MAL2: variants seen among roughly 807,000 people sequenced by gnomAD.
MAL2 encodes mal, T cell differentiation protein 2.
In MAL2, 17 loss-of-function variants were observed where a neutral mutation model predicts 18.1. The ratio of observed to expected loss-of-function variants is 0.94; its 90% CI spans 0.64 to 1.41. MAL2 has a LOEUF of 1.41. Among genes scored for constraint, MAL2 ranks in the 40% most tolerant of loss-of-function variants. The pLI, the probability that MAL2 is intolerant of heterozygous loss-of-function variation, is 0.00. For synonymous variants in MAL2, 102 were observed against 102.3 expected (o/e 1.00, Z 0.02); for missense variants, 222 against 231.9 (o/e 0.96, Z 0.28).
chr8:119,237,623 G>T (rs923720946), intron 2 of MAL2, among the ~76,000 whole-genome samples: 5 of 151,750 alleles, frequency 3.3e-5, no homozygotes, highest in African/African-American at 4.9e-5. Context: ...GGGATGCAAG[G>T]CTGGTTAAAT....
At chr8:119,237,962 A>G (rs564483503) in intron 2 of MAL2, among the ~76,000 whole-genome samples, 11 of 152,314 alleles carry the variant, frequency 7.2e-5, no homozygotes, top group African/African-American at 2.6e-4. Context: ...AAGGAAATAA[A>G]AGGTATTCAG....
At chr8:119,232,902 G>A (rs1817764845) in intron 2 of MAL2, among the ~76,000 whole-genome samples, 1 of 152,156 alleles carries the variant, frequency 6.6e-6, no homozygotes, top group Admixed American at 6.5e-5. Flanking sequence ...GCAGTTTTGA[G>A]TGAGTTTCTT....
At position 119,243,247 on chromosome 8, in the gene MAL2, A is replaced by C. The variant is rs529016520; in HGVS notation, c.460-170A>C. On this transcript the variant is annotated intron_variant, in intron 3 of 3. Coordinates refer to ENST00000614891, the MANE Select transcript of MAL2 (RefSeq NM_052886.3). Reference sequence around the variant, plus strand: ...GGGAGGGTAATTGTATGAGGGAATAAAACAGTTGTACAAATCATCAAAAAA... The same window carrying C: ...GGGAGGGTAATTGTATGAGGGAATACAACAGTTGTACAAATCATCAAAAAA... Among the ~76,000 whole-genome samples the C allele has an allele frequency of 5.3e-5, 8 of 151,094 alleles. No individual in the cohort carries two copies. The South Asian group carries it at 1.7e-3, about 31-fold the overall frequency.
chr8:119,208,673 G>C lies in MAL2; in HGVS notation c.132+69G>C. The C allele has an allele frequency of 3.2e-6, 4 of 1,235,526 alleles. No homozygotes were observed. The highest frequency in any genetic ancestry group is 3.5e-5 in the South Asian group (1 of 28,918). The allele number at this position is 1,235,526 out of a possible 1,614,324, so 76.5% of individuals were successfully genotyped here. A position where few individuals can be genotyped will look rare whatever the true frequency, so the allele number is the denominator to read the frequency against. ...CAGGCGGCGGCATCCTTGTCCCCCG[G>C]GCTGTCTTCCTCTGCGTCCGCCCCC... On this transcript the variant is annotated intron_variant, in intron 1 of 3. Transcript: ENST00000614891. This position sits in a 1 kb window ranked among gnomAD's most constrained non-coding sequence, Gnocchi z 4.3.
At chr8:119,238,968 C>CT (rs1473493242) in intron 2 of MAL2, among the ~76,000 whole-genome samples, 5 of 151,636 alleles carry the variant, frequency 3.3e-5, no homozygotes, top group Non-Finnish European at 7.3e-5. Flanking sequence ...GCAAAAGAAA[C>CT]TATCATCAGA....
intron 2 of MAL2, among the ~76,000 whole-genome samples, chr8:119,236,841 G>T (rs1375977985): frequency 1.3e-5 from 2 of 150,960 alleles, no homozygotes; most frequent in African/African-American, 4.9e-5. Flanking sequence ...GAGAAAGCAG[G>T]AAAGATCCAA....
At chr8:119,230,552 C>A (rs377684245) in intron 2 of MAL2, among the ~76,000 whole-genome samples, 7 of 151,876 alleles carry the variant, frequency 4.6e-5, no homozygotes, top group African/African-American at 7.3e-5. Context: ...TTCCTAGGGA[C>A]CAAAATGAGG....
chr8:119,233,500 C>T (rs1282184585), intron 2 of MAL2, among the ~76,000 whole-genome samples: 1 of 152,126 alleles, frequency 6.6e-6, no homozygotes, highest in Admixed American at 6.5e-5. Context: ...GGGATAGCAG[C>T]ACTGATCCAC....
chr8:119,228,450 A>T (rs779042037), intron 2 of MAL2, among the ~76,000 whole-genome samples: 7 of 151,392 alleles, frequency 4.6e-5, no homozygotes, highest in African/African-American at 9.7e-5. Flanking sequence ...TGGGGACACA[A>T]TAACATGTAG....
chr8:119,227,722 C>T (rs1349912254), intron 2 of MAL2, among the ~76,000 whole-genome samples: 4 of 152,222 alleles, frequency 2.6e-5, no homozygotes. Flanking sequence ...TCTCCATATA[C>T]ATCTGGGAGT....
chr8:119,243,224 G>A (rs1818081367), intron 3 of MAL2, among the ~76,000 whole-genome samples, 193 bp from the exon 4 acceptor site: 1 of 151,356 alleles, frequency 6.6e-6, no homozygotes, highest in African/African-American at 2.4e-5. Context: ...AGGAAGGGGG[G>A]AGGGTAATTG....
At chr8:119,219,520 GGTGTGTGTGTGTGTGT>G (rs143315878) in intron 1 of MAL2, among the ~76,000 whole-genome samples, 12,022 of 147,984 alleles carry the variant, frequency 0.081, 1,430 homozygotes, top group African/African-American at 0.26. Flanking sequence ...ACTCTCCCTG[GGTGTGTGTGTGTGTGT>G]GTGTGTGTGT....
rs1421424973 is a variant in MAL2, at chr8:119,243,732, CCTTTT to C, written c.*249_*253del. The C allele has an allele frequency of 5.5e-5, 19 of 347,220 alleles. No homozygotes were observed. Among genetic ancestry groups the C allele is most frequent in the African/African-American group, 4.0e-4 (19 of 47,328 alleles). 21.5% of individuals were successfully genotyped at this position (347,220 alleles called of 1,614,324 possible). A position where few individuals can be genotyped will look rare whatever the true frequency, so the allele number is the denominator to read the frequency against. On this transcript the variant is annotated 3_prime_UTR_variant, in exon 4 of 4. Coordinates refer to ENST00000614891, the MANE Select transcript of MAL2 (RefSeq NM_052886.3). ...TTTCCCTTTCCCCCTTTATTTTCCT[CCTTTT>C]CTTTCTGAAAGTTTCCTTTTATGTC...
At chr8:119,236,507 C>T (rs1452977159) in intron 2 of MAL2, among the ~76,000 whole-genome samples, 1 of 151,232 alleles carries the variant, frequency 6.6e-6, no homozygotes, top group East Asian at 1.9e-4. Flanking sequence ...TTCAGCACCA[C>T]ACCACACCTA....
At chr8:119,221,894 G>A (rs1365904543) in intron 2 of MAL2, 137 bp downstream of exon 2, 18 of 913,824 alleles carry the variant, frequency 2.0e-5, no homozygotes, top group Non-Finnish European at 2.9e-5. Context: ...CTGCTGTGGT[G>A]CTGCGGTGGT....
At chr8:119,231,668 C>T (rs1817732788) in intron 2 of MAL2, among the ~76,000 whole-genome samples, 1 of 152,010 alleles carries the variant, frequency 6.6e-6, no homozygotes, top group Non-Finnish European at 1.5e-5. Flanking sequence ...ATTCAAAACG[C>T]CAAGACATGG....
At chr8:119,232,304 A>G (rs1817750181) in intron 2 of MAL2, among the ~76,000 whole-genome samples, 1 of 152,150 alleles carries the variant, frequency 6.6e-6, no homozygotes, top group Admixed American at 6.5e-5. Context: ...CCAAAAGTTA[A>G]TATTTGTCTG....
At chr8:119,211,523 A>AG in intron 1 of MAL2, among the ~76,000 whole-genome samples, 1 of 152,086 alleles carries the variant, frequency 6.6e-6, no homozygotes, top group Non-Finnish European at 1.5e-5. Flanking sequence ...ACTTGGCTCA[A>AG]AGTATTCATT....
chr8:119,232,936 C>T (rs552656999), intron 2 of MAL2, among the ~76,000 whole-genome samples: 26 of 152,214 alleles, frequency 1.7e-4, no homozygotes, highest in African/African-American at 6.3e-4. Flanking sequence ...AGTTTGATTG[C>T]ACTGTGGGCT....
Sources: allele counts gnomAD v4.1 joint callset (sites outside exome capture counted in the v4.1 genomes callset), GRCh38; gene constraint gnomAD v4.1.1; non-coding constraint Gnocchi (gnomAD v3.1); transcripts MANE v1.5; gene names NCBI Gene and HGNC (gene_info 2026-07-23, HGNC 2026-07-21).